The following THSD7B variants were observed in gnomAD, a reference collection of about 807,000 sequenced individuals.
The protein encoded by THSD7B is thrombospondin type-1 domain-containing protein 7B.
In THSD7B, 138 loss-of-function variants were observed where a neutral mutation model predicts 213.6. That is an observed-to-expected ratio of 0.65 (90% confidence interval 0.56 to 0.74). THSD7B has a LOEUF of 0.74. Ranked by LOEUF, THSD7B falls within the 30% of genes least tolerant of loss-of-function variation. The pLI is 0.00. For synonymous variants in THSD7B, 742 were observed against 687.0 expected (o/e 1.08, Z -1.25); for missense variants, 1,931 against 1,991.5 (o/e 0.97, Z 0.58).
At chr2:137,161,983 G>A (rs1040315761) in intron 6 of THSD7B, among the ~76,000 whole-genome samples, 1 of 152,160 alleles carries the variant, frequency 6.6e-6, no homozygotes, top group African/African-American at 2.4e-5. Flanking sequence ...ATGAAGTGCT[G>A]CCTTCATCTA....
At chr2:136,814,342 AAAACT>A (rs1286170184) in intron 1 of THSD7B, among the ~76,000 whole-genome samples, 3 of 152,128 alleles carry the variant, frequency 2.0e-5, no homozygotes, top group Non-Finnish European at 4.4e-5. Flanking sequence ...AATTCTTTTT[AAAACT>A]CTTTAAAAAC....
intron 2 of THSD7B, among the ~76,000 whole-genome samples, chr2:137,013,895 A>G (rs1686285527): frequency 6.6e-6 from 1 of 152,174 alleles, no homozygotes; most frequent in African/African-American, 2.4e-5. Context: ...CCTGGGGTTT[A>G]CGGGGAGCCA....
chr2:137,261,915 CAAAAAAA>C (rs369579882), intron 10 of THSD7B, among the ~76,000 whole-genome samples: 5 of 54,876 alleles, frequency 9.1e-5, no homozygotes, highest in Admixed American at 1.9e-4. Flanking sequence ...GAAAGTTTGT[CAAAAAAA>C]AAAAAAAAAA....
chr2:137,595,415 G>T (rs1220328444), intron 17 of THSD7B, among the ~76,000 whole-genome samples: 1 of 151,882 alleles, frequency 6.6e-6, no homozygotes. Flanking sequence ...TTTATAGCAC[G>T]TGGCTAATTA....
At chr2:137,093,018 T>C (rs186203533) in intron 3 of THSD7B, among the ~76,000 whole-genome samples, 26 of 152,232 alleles carry the variant, frequency 1.7e-4, no homozygotes, top group African/African-American at 5.5e-4. Context: ...ACCCTTTTTT[T>C]AGTTTACATT....
At chr2:136,983,373 A>ACACACACACACACACACACACAC in intron 2 of THSD7B, among the ~76,000 whole-genome samples, 1 of 149,866 alleles carries the variant, frequency 6.7e-6, no homozygotes, top group East Asian at 2.0e-4. Context: ...ACACACACGC[A>ACACACACACACACACACACACAC]CACACACTCA....
intron 7 of THSD7B, among the ~76,000 whole-genome samples, chr2:137,207,970 T>C (rs142713033): frequency 6.3e-4 from 96 of 152,164 alleles, no homozygotes; most frequent in African/African-American, 2.3e-3. Flanking sequence ...AGTGGAAGTG[T>C]TCCCAGACCA....
intron 2 of THSD7B, 93 bp from the exon 3 acceptor site, chr2:137,056,327 T>G: frequency 1.6e-6 from 2 of 1,281,426 alleles, no homozygotes; most frequent in Non-Finnish European, 2.1e-6. Flanking sequence ...TCATACTGCT[T>G]GTGTTGGAAA....
chr2:136,889,865 C>T (rs1267627971), intron 2 of THSD7B, among the ~76,000 whole-genome samples: 1 of 152,168 alleles, frequency 6.6e-6, no homozygotes, highest in Non-Finnish European at 1.5e-5. Flanking sequence ...TGTTTCTCTT[C>T]TTTGCCTTTA....
At chr2:137,051,543 C>T (rs994001902) in intron 2 of THSD7B, among the ~76,000 whole-genome samples, 4 of 152,154 alleles carry the variant, frequency 2.6e-5, no homozygotes, top group East Asian at 1.9e-4. Context: ...GTTTTAAATC[C>T]GATTTTGTAA....
intron 2 of THSD7B, among the ~76,000 whole-genome samples, chr2:136,973,818 G>A (rs1685440145): frequency 6.6e-6 from 1 of 152,170 alleles, no homozygotes; most frequent in South Asian, 2.1e-4. Flanking sequence ...GAGAGTATAA[G>A]TCAGTATGTG....
chr2:136,778,381 G>T (rs1681653209), intron 1 of THSD7B, among the ~76,000 whole-genome samples: 1 of 152,146 alleles, frequency 6.6e-6, no homozygotes, highest in African/African-American at 2.4e-5. Flanking sequence ...CCGTGACTCA[G>T]TTCAAGCTTT....
At chr2:137,008,401 C>T (rs1040048102) in intron 2 of THSD7B, among the ~76,000 whole-genome samples, 12 of 152,238 alleles carry the variant, frequency 7.9e-5, no homozygotes, top group Middle Eastern at 3.4e-3. Flanking sequence ...TAAAACAAGT[C>T]ATTCAACCCT....
At chr2:137,510,090 T>C (rs1022884455) in intron 15 of THSD7B, among the ~76,000 whole-genome samples, 1 of 152,164 alleles carries the variant, frequency 6.6e-6, no homozygotes, top group African/African-American at 2.4e-5. Context: ...TCTCTACTGC[T>C]GGATGTGTTT....
chr2:137,563,478 T>C (rs1352277481), intron 16 of THSD7B, 124 bp downstream of exon 16: 1 of 1,281,514 alleles, frequency 7.8e-7, no homozygotes, highest in East Asian at 2.5e-5. Flanking sequence ...TGGTTTTTTC[T>C]CATCTTTGAA....
At chr2:137,097,640 T>C (rs1280969323) in intron 4 of THSD7B, among the ~76,000 whole-genome samples, 1 of 152,122 alleles carries the variant, frequency 6.6e-6, no homozygotes, top group Non-Finnish European at 1.5e-5. Context: ...ATTCAGGATG[T>C]ACCCAAGATG....
At chr2:136,856,849 C>T (rs1683186671) in intron 1 of THSD7B, among the ~76,000 whole-genome samples, 1 of 152,182 alleles carries the variant, frequency 6.6e-6, no homozygotes, top group Admixed American at 6.5e-5. Context: ...TTCAGACTTC[C>T]TGTTAATTGT....
chr2:137,316,709 G>A (rs904423117), intron 12 of THSD7B, among the ~76,000 whole-genome samples: 10 of 147,562 alleles, frequency 6.8e-5, no homozygotes, highest in Non-Finnish European at 1.5e-4. Flanking sequence ...AGTGAGCCGA[G>A]ATGGTGCCAC....
intron 1 of THSD7B, among the ~76,000 whole-genome samples, chr2:136,837,158 C>T (rs1377880272): frequency 6.6e-6 from 1 of 152,164 alleles, no homozygotes; most frequent in Non-Finnish European, 1.5e-5. Flanking sequence ...CATGAATCAT[C>T]AAAAATATAA....
Sources: gnomAD v4.1 joint callset for allele counts (sites outside exome capture counted in the v4.1 genomes callset) on GRCh38, gnomAD v4.1.1 for gene constraint, MANE v1.5 for transcripts, NCBI Gene and HGNC (gene_info 2026-07-23, HGNC 2026-07-21) for gene names.